Variants in DGKB observed in about 807,000 individuals in gnomAD.
The protein encoded by DGKB is 90 kDa diacylglycerol kinase.
Under a neutral mutation model 114.3 loss-of-function variants are expected in DGKB, and 67 were observed. That is an observed-to-expected ratio of 0.59 (90% CI 0.48 to 0.72). The LOEUF (loss-of-function observed/expected upper bound fraction) is 0.72, where lower values mean the gene tolerates loss of function less well. Ranked by LOEUF, DGKB falls within the 30% of genes least tolerant of loss-of-function variation. The pLI is 0.00. For missense variants in DGKB, 907 were observed against 975.2 expected, an observed-to-expected ratio of 0.93 and a Z score of 0.93; for synonymous variants, 398 against 323.1, an observed-to-expected ratio of 1.23 and a Z score of -2.49.
chr7:14,817,260 G>A (rs1844286729), intron 2 of DGKB, among the ~76,000 whole-genome samples: 1 of 152,174 alleles, frequency 6.6e-6, no homozygotes, highest in African/African-American at 2.4e-5. Context: ...CTTCCACTGA[G>A]AGTGCATCCC....
chr7:14,717,288 T>G (rs1312730826), intron 6 of DGKB, among the ~76,000 whole-genome samples: 2 of 152,110 alleles, frequency 1.3e-5, no homozygotes, highest in African/African-American at 2.4e-5. Context: ...CATTTTCAGA[T>G]GTGGAAAAAA....
At chr7:14,286,346 T>G (rs1246070834) in intron 23 of DGKB, among the ~76,000 whole-genome samples, 1 of 152,164 alleles carries the variant, frequency 6.6e-6, no homozygotes, top group Non-Finnish European at 1.5e-5. Flanking sequence ...CTTCACATGT[T>G]AGCATGGTGA....
intron 1 of DGKB, among the ~76,000 whole-genome samples, chr7:14,850,721 CAT>C (rs1206897762): frequency 6.6e-6 from 1 of 152,094 alleles, no homozygotes; most frequent in Non-Finnish European, 1.5e-5. Context: ...TCACTAAAGA[CAT>C]AGTAAAAACA....
chr7:14,274,258 C>T (rs962230680), intron 23 of DGKB, among the ~76,000 whole-genome samples: 2 of 152,254 alleles, frequency 1.3e-5, no homozygotes, highest in South Asian at 2.1e-4. Flanking sequence ...GAAGGTGATA[C>T]GCAGTGATAG....
At chr7:14,246,611 A>G (rs1365152719) in intron 23 of DGKB, among the ~76,000 whole-genome samples, 1 of 152,184 alleles carries the variant, frequency 6.6e-6, no homozygotes, top group Non-Finnish European at 1.5e-5. Flanking sequence ...GTTGTTGGCT[A>G]AGAAACTTTG....
intron 1 of DGKB, among the ~76,000 whole-genome samples, chr7:14,915,483 G>T (rs2128245116): frequency 6.6e-6 from 1 of 152,266 alleles, no homozygotes; most frequent in Admixed American, 6.5e-5. Context: ...AAGAAACTCA[G>T]AGAACACTAA....
intron 1 of DGKB, among the ~76,000 whole-genome samples, chr7:14,939,933 A>C (rs1204689950): frequency 6.6e-6 from 1 of 152,168 alleles, no homozygotes; most frequent in African/African-American, 2.4e-5. Flanking sequence ...TATAAAATTG[A>C]AAAATTTATT....
At chr7:14,595,456 T>C (rs940907914) in intron 17 of DGKB, among the ~76,000 whole-genome samples, 9 of 152,020 alleles carry the variant, frequency 5.9e-5, no homozygotes, top group African/African-American at 2.2e-4. Context: ...AATTTCCTCC[T>C]TATGATCTCT....
chr7:14,963,239 T>C (rs1426611989), intron 1 of DGKB, among the ~76,000 whole-genome samples: 1 of 152,090 alleles, frequency 6.6e-6, no homozygotes, highest in Non-Finnish European at 1.5e-5. Flanking sequence ...GAACCTTATA[T>C]AAAACTAAAT....
At chr7:14,863,854 C>T (rs1299325184) in intron 1 of DGKB, among the ~76,000 whole-genome samples, 1 of 151,866 alleles carries the variant, frequency 6.6e-6, no homozygotes, top group Non-Finnish European at 1.5e-5. Flanking sequence ...AATCCTGGCA[C>T]TTTGGGAGGC....
At chr7:14,498,134 C>A (rs1372037458) in intron 20 of DGKB, among the ~76,000 whole-genome samples, 1 of 151,804 alleles carries the variant, frequency 6.6e-6, no homozygotes, top group East Asian at 1.9e-4. Context: ...TAATTTATAT[C>A]TATTTCTGCT....
chr7:14,235,949 C>A (rs892083465), intron 23 of DGKB, among the ~76,000 whole-genome samples: 2 of 152,004 alleles, frequency 1.3e-5, no homozygotes, highest in Non-Finnish European at 2.9e-5. Context: ...CTGCAAAAAA[C>A]ACACACATGG....
At chr7:14,660,990 T>G (rs868666063) in intron 13 of DGKB, among the ~76,000 whole-genome samples, 332 of 148,670 alleles carry the variant, frequency 2.2e-3, no homozygotes, top group African/African-American at 7.3e-3. Flanking sequence ...CTGGGAAAAC[T>G]GGCTAGCCAT....
intron 25 of DGKB, among the ~76,000 whole-genome samples, chr7:14,151,404 G>C (rs1323278381): frequency 6.7e-6 from 1 of 150,212 alleles, no homozygotes; most frequent in African/African-American, 2.4e-5. Flanking sequence ...CTTCTTCTCT[G>C]TGTTTTTTTT....
At chr7:14,708,193 A>T (rs1826633699) in intron 6 of DGKB, among the ~76,000 whole-genome samples, 1 of 84,892 alleles carries the variant, frequency 1.2e-5, no homozygotes, top group South Asian at 5.1e-4. Flanking sequence ...GAGCCAAATC[A>T]TGAGTGAACT....
chr7:14,280,074 G>A (rs1390225995), intron 23 of DGKB, among the ~76,000 whole-genome samples: 4 of 151,826 alleles, frequency 2.6e-5, no homozygotes, highest in Non-Finnish European at 5.9e-5. Context: ...GCTATGGGAG[G>A]ACATTCAAAC....
chr7:14,889,015 A>G (rs992351847), intron 1 of DGKB, among the ~76,000 whole-genome samples: 1 of 151,576 alleles, frequency 6.6e-6, no homozygotes, highest in East Asian at 1.9e-4. Context: ...TTACATTATT[A>G]AAAAAGCAGC....
At chr7:14,827,194 T>C (rs188739830) in intron 2 of DGKB, among the ~76,000 whole-genome samples, 1 of 152,266 alleles carries the variant, frequency 6.6e-6, no homozygotes, top group African/African-American at 2.4e-5. Context: ...TCTCATATTA[T>C]CATATTATTT....
At chr7:14,858,725 G>A (rs897039936) in intron 1 of DGKB, among the ~76,000 whole-genome samples, 5 of 152,118 alleles carry the variant, frequency 3.3e-5, no homozygotes, top group Admixed American at 2.6e-4. Flanking sequence ...GCAGAAAGCC[G>A]AGATATGAGT....
Sources: allele counts gnomAD v4.1 joint callset (sites outside exome capture counted in the v4.1 genomes callset), GRCh38; gene constraint gnomAD v4.1.1; transcripts MANE v1.5; gene names NCBI Gene and HGNC (gene_info 2026-07-23, HGNC 2026-07-21).